MAPK6: variants seen among roughly 807,000 people sequenced by gnomAD.
MAPK6 encodes ERK-3.
MAPK6 carries 19 observed loss-of-function variants against 59.3 expected under a neutral mutation model. That is an observed-to-expected ratio of 0.32 (90% CI 0.22 to 0.47). MAPK6 has a LOEUF of 0.47. Ranked by LOEUF, MAPK6 falls within the 20% of genes least tolerant of loss-of-function variation. MAPK6 has a pLI of 1.00. For missense variants in MAPK6, 724 were observed against 847.9 expected, an observed-to-expected ratio of 0.85 and a Z score of 1.81; for synonymous variants, 316 against 290.3, an observed-to-expected ratio of 1.09 and a Z score of -0.90.
chr15:52,023,354 C>T (rs986973607), intron 1 of MAPK6, among the ~76,000 whole-genome samples: 8 of 150,812 alleles, frequency 5.3e-5, no homozygotes, highest in African/African-American at 1.7e-4. Context: ...GTTTTGTGGG[C>T]TGTTGAACAT....
At chr15:51,987,929 C>A (rs1320341135) in intron 2 of MAPK6, among the ~76,000 whole-genome samples, 1 of 151,976 alleles carries the variant, frequency 6.6e-6, no homozygotes, top group African/African-American at 2.4e-5. Flanking sequence ...CCACACCTGG[C>A]TAATTTTTGT....
chr15:52,049,978 T>C lies in MAPK6; in HGVS notation c.556-15T>C, dbSNP rs761892527. 23 of 1,606,024 alleles carry C rather than the reference T, an allele frequency of 1.4e-5. No homozygotes were observed. The highest frequency in any genetic ancestry group is 1.8e-5 in the Non-Finnish European group (21 of 1,175,028). Reference sequence around the variant, plus strand: ...AGCTAAAGTAAAAAAAGTATGTTTTTTGTTTCTTTTATAGGGTCATCTTTC... The same window carrying C: ...AGCTAAAGTAAAAAAAGTATGTTTTCTGTTTCTTTTATAGGGTCATCTTTC... On this transcript the variant is annotated splice_polypyrimidine_tract_variant and intron_variant, in intron 2 of 5. Transcript: ENST00000261845.
At chr15:52,025,460 G>T (rs972112163) in intron 1 of MAPK6, among the ~76,000 whole-genome samples, 5 of 152,182 alleles carry the variant, frequency 3.3e-5, no homozygotes, top group Admixed American at 6.5e-5. Flanking sequence ...TACTTGACGA[G>T]CAAGTAGTGC....
chr15:52,004,910 G>A (rs1009440274), intron 3 of MAPK6, among the ~76,000 whole-genome samples: 2 of 152,080 alleles, frequency 1.3e-5, no homozygotes, highest in South Asian at 2.1e-4. Context: ...CCCTTCTGTC[G>A]CTCTGAGGCT....
intron 4 of MAPK6, among the ~76,000 whole-genome samples, chr15:52,059,085 T>C (rs753342243): frequency 3.3e-5 from 5 of 152,180 alleles, no homozygotes; most frequent in East Asian, 1.9e-4. Flanking sequence ...CCCTCAGATA[T>C]ACTTGGAACT....
chr15:51,993,278 G>T (rs916572874), intron 2 of MAPK6, among the ~76,000 whole-genome samples: 4 of 152,130 alleles, frequency 2.6e-5, no homozygotes, highest in African/African-American at 7.2e-5. Flanking sequence ...CAAGGTCAAA[G>T]ACCAAATATT....
At chr15:52,033,772 G>A (rs1041250132) in intron 1 of MAPK6, 5 of 151,870 alleles carry the variant, frequency 3.3e-5, no homozygotes, top group Non-Finnish European at 7.4e-5. Flanking sequence ...TAATACATCT[G>A]GGTTAATAGG....
At chr15:52,031,313 A>G (rs1259546111) in intron 1 of MAPK6, among the ~76,000 whole-genome samples, 2 of 152,226 alleles carry the variant, frequency 1.3e-5, no homozygotes, top group Non-Finnish European at 2.9e-5. Flanking sequence ...ATACTTGTCA[A>G]TAAAAAAATA....
At chr15:52,034,323 GT>G (rs535032298) in intron 1 of MAPK6, among the ~76,000 whole-genome samples, 1 of 142,850 alleles carries the variant, frequency 7.0e-6, no homozygotes. Flanking sequence ...TTTGTCGTTC[GT>G]TTTTTTTTTG....
chr15:51,984,715 T>G (rs1413070023), intron 2 of MAPK6, among the ~76,000 whole-genome samples: 1 of 152,006 alleles, frequency 6.6e-6, no homozygotes, highest in Non-Finnish European at 1.5e-5. Context: ...TGATATGTGG[T>G]GTTTGCTAAT....
intron 2 of MAPK6, among the ~76,000 whole-genome samples, chr15:52,048,974 A>G (rs1316633507): frequency 6.6e-6 from 1 of 152,186 alleles, no homozygotes. Flanking sequence ...CTTATACTAT[A>G]TAAAATTGAC....
intron 3 of MAPK6, among the ~76,000 whole-genome samples, chr15:52,053,636 TTGATTGATTGATTGA>T (rs2031862684): frequency 4.0e-5 from 1 of 24,772 alleles, no homozygotes; most frequent in Non-Finnish European, 8.7e-5. Context: ...GGTTGATTGA[TTGATTGATTGATTGA>T]TTTTTTAAGA....
At chr15:51,982,411 T>G (rs1258926812) in intron 1 of MAPK6, among the ~76,000 whole-genome samples, 1 of 152,198 alleles carries the variant, frequency 6.6e-6, no homozygotes, top group Non-Finnish European at 1.5e-5. Context: ...AGTATTAACA[T>G]CCTTAACAGT....
intron 1 of MAPK6, among the ~76,000 whole-genome samples, chr15:52,041,713 T>C (rs1405760868): frequency 6.6e-6 from 1 of 152,142 alleles, no homozygotes; most frequent in Non-Finnish European, 1.5e-5. Flanking sequence ...GTTAAGGTGA[T>C]AAGGAGGGAA....
At chr15:51,989,076 A>G (rs1048121237) in intron 2 of MAPK6, among the ~76,000 whole-genome samples, 7 of 133,502 alleles carry the variant, frequency 5.2e-5, no homozygotes, top group Admixed American at 2.4e-4. Context: ...CTCAAAATCC[A>G]TAATTTTTTT....
At chr15:52,059,830 T>C (rs897706916) in intron 4 of MAPK6, among the ~76,000 whole-genome samples, 1 of 152,230 alleles carries the variant, frequency 6.6e-6, no homozygotes, top group South Asian at 2.1e-4. Context: ...TAAAGATTTA[T>C]CAATTGTATG....
intron 2 of MAPK6, among the ~76,000 whole-genome samples, chr15:51,983,477 CT>C (rs2057180937): frequency 6.8e-6 from 1 of 147,416 alleles, no homozygotes; most frequent in Non-Finnish European, 1.5e-5. Flanking sequence ...GAAACTCCGT[CT>C]CAAAACAAGC....
At chr15:52,049,436 T>C (rs1337599201) in intron 2 of MAPK6, among the ~76,000 whole-genome samples, 2 of 141,590 alleles carry the variant, frequency 1.4e-5, no homozygotes, top group Admixed American at 1.5e-4. Context: ...TAAGTGATCC[T>C]CCCACCTCAG....
intron 4 of MAPK6, among the ~76,000 whole-genome samples, chr15:52,059,608 G>GTT (rs1349159382): frequency 2.0e-5 from 3 of 152,238 alleles, no homozygotes; most frequent in Non-Finnish European, 4.4e-5. Context: ...GGACGGTGCT[G>GTT]TTGAAGCATT....
Sources: gnomAD v4.1 joint callset for allele counts (sites outside exome capture counted in the v4.1 genomes callset) on GRCh38, gnomAD v4.1.1 for gene constraint, MANE v1.5 for transcripts, NCBI Gene and HGNC (gene_info 2026-07-23, HGNC 2026-07-21) for gene names.